Variants in PCDHGA1 observed in about 807,000 individuals in gnomAD.
PCDHGA1 encodes protocadherin gamma subfamily A, 1, also known as protocadherin gamma-A1.
PCDHGA1 carries 32 observed loss-of-function variants against 58.0 expected under a neutral mutation model. The ratio of observed to expected loss-of-function variants is 0.55; its 90% confidence interval spans 0.42 to 0.74. The LOEUF is 0.74. PCDHGA1 is among the 30% of genes least tolerant of loss of function. The pLI is 0.00. For synonymous variants in PCDHGA1, 498 were observed against 501.1 expected, an observed-to-expected ratio of 0.99 and a Z score of 0.08; for missense variants, 1,205 against 1,182.3, an observed-to-expected ratio of 1.02 and a Z score of -0.28.
At chr5:141,420,382 C>CA (rs1414569792) in intron 1 of PCDHGA1, 5 of 1,300,530 alleles carry the variant, frequency 3.8e-6, no homozygotes, top group Non-Finnish European at 5.1e-6. Flanking sequence ...ATAGAGTTCG[C>CA]AAAATATAGG....
chr5:141,357,157 CCT>C, intron 1 of PCDHGA1: 1 of 1,613,660 alleles, frequency 6.2e-7, no homozygotes, highest in South Asian at 1.1e-5. Flanking sequence ...TGGCCAGCCC[CCT>C]CTCTCGGCCA....
chr5:141,452,791 C>T (rs1202677389), intron 1 of PCDHGA1, among the ~76,000 whole-genome samples: 2 of 152,156 alleles, frequency 1.3e-5, no homozygotes, highest in Non-Finnish European at 2.9e-5. Context: ...AACATACCAT[C>T]ATTTTTGCTG....
Position 141,485,790 on chromosome 5 carries a change from C to T in PCDHGA1, c.2422-9017C>T. On this transcript the variant is annotated intron_variant, in intron 1 of 3. Transcript: ENST00000517417. This position sits in a 1 kb window ranked among gnomAD's most constrained non-coding sequence, Gnocchi z 5.7. The stretch of plus-strand genomic sequence containing the variant: ...AAGCCTTTGGATCGAGAGAAGCAAT[C>T]GGACTACCGCCTGGTGCTGACTGCT... 6.2e-7 allele frequency: 1 copy of T among 1,614,204 alleles called. No homozygotes were observed. Among genetic ancestry groups the T allele is most frequent in the Non-Finnish European group, 8.5e-7 (1 of 1,180,032 alleles).
rs3806835 is a variant in PCDHGA1, at chr5:141,370,079, T to C, written c.2421+36974T>C. On this transcript the variant is annotated intron_variant, in intron 1 of 3. Transcript: ENST00000517417. ...GTCCTTTTAAAATGGGAAGAAAGTATCACTATCAGTACACTGCCGATTTTT... is the reference window on the plus strand; with the variant it reads ...GTCCTTTTAAAATGGGAAGAAAGTACCACTATCAGTACACTGCCGATTTTT... Among the ~76,000 whole-genome samples, 56 of 152,350 alleles carry C rather than the reference T, an allele frequency of 3.7e-4. No homozygotes were observed. The East Asian group carries it at 0.011, about 29-fold the overall frequency.
At chr5:141,508,242 GC>G (rs1344624071) in intron 3 of PCDHGA1, 1 of 152,310 alleles carries the variant, frequency 6.6e-6, no homozygotes, top group African/African-American at 2.4e-5. Context: ...TCCTAAGTCT[GC>G]CTCTCCTGGG....
At chr5:141,385,018 T>TTCGTCC in intron 1 of PCDHGA1, 1 of 1,614,144 alleles carries the variant, frequency 6.2e-7, no homozygotes, top group Non-Finnish European at 8.5e-7. Flanking sequence ...CTTCCTAGCC[T>TTCGTCC]TCGTCCTCGT....
intron 1 of PCDHGA1, chr5:141,393,902 G>C: frequency 6.2e-7 from 1 of 1,613,968 alleles, no homozygotes; most frequent in Non-Finnish European, 8.5e-7. Flanking sequence ...CTCTTCCCGG[G>C]ACAGTAATTG....
chr5:141,408,974 G>C lies in PCDHGA1; in HGVS notation c.2421+75869G>C, dbSNP rs899313364. 8.7e-6 allele frequency: 14 copies of C among 1,613,690 alleles called. No individual in the cohort carries two copies. In the African/African-American group the frequency reaches 1.9e-4, roughly 22 times the overall value. On this transcript the variant is annotated intron_variant, in intron 1 of 3. Transcript: ENST00000517417. ...TAGTCTTAGTGAAAATCTGCCCCCT[G>C]GGTCCCCTGTGTTGCAAGTGACAGC...
At chr5:141,422,604 T>C in intron 1 of PCDHGA1, 1 of 1,614,030 alleles carries the variant, frequency 6.2e-7, no homozygotes, top group Non-Finnish European at 8.5e-7. Flanking sequence ...CCTCTTACTC[T>C]GCCTACATTC....
At chr5:141,448,488 C>A (rs568050769) in intron 1 of PCDHGA1, among the ~76,000 whole-genome samples, 1 of 152,280 alleles carries the variant, frequency 6.6e-6, no homozygotes, top group African/African-American at 2.4e-5. Context: ...TTCCTCCTGT[C>A]CCCTGTAGGT....
intron 1 of PCDHGA1, chr5:141,468,351 A>G (rs1030472813): frequency 6.7e-6 from 1 of 149,192 alleles, no homozygotes; most frequent in Non-Finnish European, 1.5e-5. Context: ...AAAAAAAAAG[A>G]AAGAAAAAAG....
chr5:141,467,781 C>G (rs2099151581), intron 1 of PCDHGA1, among the ~76,000 whole-genome samples: 1 of 152,228 alleles, frequency 6.6e-6, no homozygotes, highest in East Asian at 1.9e-4. Context: ...ACCTCAGCCT[C>G]TCAAGTAGCT....
chr5:141,417,942 C>A (rs1324501154), intron 1 of PCDHGA1: 19 of 1,613,208 alleles, frequency 1.2e-5, no homozygotes, highest in Non-Finnish European at 1.5e-5. Flanking sequence ...TTCTACCCCA[C>A]GCTGTGTGAG....
chr5:141,440,181 G>A (rs1419736461), intron 1 of PCDHGA1: 7 of 152,312 alleles, frequency 4.6e-5, no homozygotes, highest in Non-Finnish European at 8.8e-5. Context: ...CTTTGAAATA[G>A]TTGAAGGCCA....
intron 1 of PCDHGA1, chr5:141,374,905 CG>C: frequency 6.2e-7 from 1 of 1,613,734 alleles, no homozygotes; most frequent in Non-Finnish European, 8.5e-7. Flanking sequence ...AAGGAGTCCA[CG>C]GGGAAGTAAC....
intron 1 of PCDHGA1, chr5:141,441,665 A>G (rs994092543): frequency 2.3e-5 from 6 of 265,720 alleles, no homozygotes; most frequent in Non-Finnish European, 3.7e-5. Context: ...CCTTGAGCGC[A>G]CAGTGCGCCT....
At chr5:141,341,545 C>G in intron 1 of PCDHGA1, 1 of 1,442,654 alleles carries the variant, frequency 6.9e-7, no homozygotes, top group Non-Finnish European at 9.2e-7. Context: ...CTTGGTAGGT[C>G]TTAGTGTTCA....
intron 1 of PCDHGA1, chr5:141,422,289 T>A: frequency 1.3e-6 from 2 of 1,553,678 alleles, no homozygotes; most frequent in Non-Finnish European, 1.7e-6. Context: ...CCTCTTCTAT[T>A]AATTCAATTC....
At chr5:141,411,309 C>A (rs2095479833) in intron 1 of PCDHGA1, 1 of 152,130 alleles carries the variant, frequency 6.6e-6, no homozygotes, top group African/African-American at 2.4e-5. Context: ...GTGGCTCACA[C>A]CTATAATCAC....
Sources: allele counts gnomAD v4.1 joint callset (sites outside exome capture counted in the v4.1 genomes callset), GRCh38; gene constraint gnomAD v4.1.1; non-coding constraint Gnocchi (gnomAD v3.1); transcripts MANE v1.5; gene names NCBI Gene and HGNC (gene_info 2026-07-23, HGNC 2026-07-21).